The following SGCD variants were observed in gnomAD, a reference collection of about 807,000 sequenced individuals.
The protein encoded by SGCD is sarcoglycan delta, also known as delta-sarcoglycan.
In SGCD, 18 loss-of-function variants were observed where a neutral mutation model predicts 36.6. The observed-to-expected ratio is 0.49, with a 90% CI of 0.34 to 0.73. The LOEUF is 0.73. Ranked by LOEUF, SGCD falls within the 30% of genes least tolerant of loss-of-function variation. The probability of loss-of-function intolerance (pLI) is 0.01; values close to 1 mark genes in which losing one functional copy is unlikely to be tolerated. For synonymous variants in SGCD, 133 were observed against 130.6 expected (o/e 1.02, Z -0.12); for missense variants, 387 against 346.7 (o/e 1.12, Z -0.92).
intron 3 of SGCD, among the ~76,000 whole-genome samples, chr5:156,279,448 T>G (rs1394634245): frequency 6.6e-6 from 1 of 152,190 alleles, no homozygotes; most frequent in Non-Finnish European, 1.5e-5. Flanking sequence ...GGATCTTTAC[T>G]TCTTCCCTAC....
At chr5:156,042,307 T>A (rs1759657285) in intron 1 of SGCD, among the ~76,000 whole-genome samples, 1 of 152,010 alleles carries the variant, frequency 6.6e-6, no homozygotes, top group Non-Finnish European at 1.5e-5. Context: ...ACTGAAGAAC[T>A]GAGAGGCTAA....
intron 3 of SGCD, among the ~76,000 whole-genome samples, chr5:156,500,260 TTC>T (rs1338771667): frequency 6.6e-6 from 1 of 152,214 alleles, no homozygotes; most frequent in Non-Finnish European, 1.5e-5. Flanking sequence ...AATGAATAAA[TTC>T]TGTCACTCTA....
chr5:155,896,419 T>G (rs1580977574), intron 1 of SGCD, among the ~76,000 whole-genome samples: 2 of 150,346 alleles, frequency 1.3e-5, no homozygotes, highest in East Asian at 3.9e-4. Flanking sequence ...ATTGAACCCT[T>G]GAGCTCAGGA....
chr5:156,378,172 A>T (rs184279313), intron 3 of SGCD, among the ~76,000 whole-genome samples: 200 of 152,322 alleles, frequency 1.3e-3, no homozygotes, highest in Non-Finnish European at 1.9e-3. Context: ...CAGCCTTAAA[A>T]AGTAAATTCT....
intron 1 of SGCD, among the ~76,000 whole-genome samples, chr5:155,893,204 A>G (rs923267012): frequency 2.6e-5 from 4 of 152,132 alleles, no homozygotes; most frequent in African/African-American, 9.7e-5. Context: ...TACTATATAT[A>G]TATACATTTT....
At chr5:156,655,577 AG>A (rs1488246412) in intron 7 of SGCD, among the ~76,000 whole-genome samples, 3 of 152,148 alleles carry the variant, frequency 2.0e-5, no homozygotes, top group African/African-American at 7.2e-5. Context: ...ACAAATAATG[AG>A]TGTTACAAAG....
At chr5:156,202,421 C>T (rs968914587) in intron 3 of SGCD, among the ~76,000 whole-genome samples, 5 of 152,236 alleles carry the variant, frequency 3.3e-5, no homozygotes, top group Admixed American at 2.0e-4. Flanking sequence ...AGCTTCACTA[C>T]GGCCTGTGAG....
At chr5:156,156,188 T>C (rs553919433) in intron 3 of SGCD, among the ~76,000 whole-genome samples, 11 of 151,570 alleles carry the variant, frequency 7.3e-5, no homozygotes, top group Non-Finnish European at 1.6e-4. Context: ...CCCCTTCATA[T>C]TACGAATATG....
At chr5:155,739,372 A>G in the SGCD span, among the ~76,000 whole-genome samples, 2 of 152,220 alleles carry the variant, frequency 1.3e-5, no homozygotes, top group Admixed American at 1.3e-4. Context: ...CCAGCGTGGA[A>G]GCCAGTGGGG....
At chr5:155,843,519 G>A in the SGCD span, among the ~76,000 whole-genome samples, 1 of 152,144 alleles carries the variant, frequency 6.6e-6, no homozygotes, top group African/African-American at 2.4e-5. Flanking sequence ...AGGTCAGCAG[G>A]CTGAATTGTC....
chr5:156,011,864 C>T (rs1758867849), intron 1 of SGCD, among the ~76,000 whole-genome samples: 1 of 152,188 alleles, frequency 6.6e-6, no homozygotes, highest in Non-Finnish European at 1.5e-5. Context: ...AAGTCAAGCA[C>T]ACAGAAAGGC....
chr5:156,184,432 A>G (rs1207368673), intron 3 of SGCD, among the ~76,000 whole-genome samples: 1 of 150,968 alleles, frequency 6.6e-6, no homozygotes, highest in Non-Finnish European at 1.5e-5. Context: ...ATATATGCAA[A>G]TAGTACTTGG....
the SGCD span, among the ~76,000 whole-genome samples, chr5:155,794,174 C>G: frequency 2.6e-5 from 4 of 152,102 alleles, no homozygotes; most frequent in Admixed American, 2.6e-4. Flanking sequence ...TCAGTCCAGC[C>G]TGAAAGCAGA....
At chr5:156,165,288 C>A (rs1482108093) in intron 3 of SGCD, among the ~76,000 whole-genome samples, 1 of 152,018 alleles carries the variant, frequency 6.6e-6, no homozygotes, top group Non-Finnish European at 1.5e-5. Flanking sequence ...AACAACACCC[C>A]TTTATGTTCC....
At chr5:156,328,230 A>G (rs1767903252) in intron 1 of SGCD, among the ~76,000 whole-genome samples, 1 of 152,212 alleles carries the variant, frequency 6.6e-6, no homozygotes, top group African/African-American at 2.4e-5. Flanking sequence ...CATTTAGAAA[A>G]CACACAGTAC....
At chr5:156,542,729 T>C (rs1458295423) in intron 4 of SGCD, among the ~76,000 whole-genome samples, 1 of 152,166 alleles carries the variant, frequency 6.6e-6, no homozygotes, top group Non-Finnish European at 1.5e-5. Context: ...CAGTGTGACT[T>C]CAGAGAAAGC....
At chr5:156,621,538 A>G (rs1032142145) in intron 6 of SGCD, among the ~76,000 whole-genome samples, 14 of 152,252 alleles carry the variant, frequency 9.2e-5, no homozygotes, top group East Asian at 7.7e-4. Context: ...AATGTGCGTT[A>G]TGGGAGCAAA....
intron 1 of SGCD, among the ~76,000 whole-genome samples, chr5:155,940,117 G>A (rs989995553): frequency 1.7e-4 from 26 of 152,082 alleles, no homozygotes; most frequent in African/African-American, 5.3e-4. Context: ...GATTATAGGC[G>A]TGAGCCATCA....
chr5:156,317,468 C>T (rs1247895349), intron 3 of SGCD, among the ~76,000 whole-genome samples: 1 of 152,122 alleles, frequency 6.6e-6, no homozygotes, highest in Non-Finnish European at 1.5e-5. Flanking sequence ...AAATCACAAA[C>T]ATGATCGCAA....
Sources: gnomAD v4.1 joint callset for allele counts (sites outside exome capture counted in the v4.1 genomes callset) on GRCh38, gnomAD v4.1.1 for gene constraint, MANE v1.5 for transcripts, NCBI Gene and HGNC (gene_info 2026-07-23, HGNC 2026-07-21) for gene names.